TDRD3: variants seen among roughly 807,000 people sequenced by gnomAD.
The protein encoded by TDRD3 is tudor domain-containing protein 3.
Under a neutral mutation model 86.7 loss-of-function variants are expected in TDRD3, and 45 were observed. That is an observed-to-expected ratio of 0.52 (90% CI 0.41 to 0.67). TDRD3 has a LOEUF of 0.67. Ranked by LOEUF, TDRD3 falls within the 30% of genes least tolerant of loss-of-function variation. TDRD3 has a pLI of 0.00. For missense variants in TDRD3, 814 were observed against 889.0 expected, an observed-to-expected ratio of 0.92 and a Z score of 1.07; for synonymous variants, 298 against 301.7, an observed-to-expected ratio of 0.99 and a Z score of 0.13.
chr13:60,510,970 C>CT (rs764142608), intron 10 of TDRD3, among the ~76,000 whole-genome samples: 11 of 152,096 alleles, frequency 7.2e-5, no homozygotes, highest in Non-Finnish European at 1.5e-4. Context: ...GATTAGTAAT[C>CT]TCACCAAACC....
intron 12 of TDRD3, among the ~76,000 whole-genome samples, chr13:60,545,802 A>G (rs1957926352): frequency 6.6e-6 from 1 of 152,112 alleles, no homozygotes; most frequent in South Asian, 2.1e-4. Context: ...AGACATATCA[A>G]GGGGTTGAGA....
At chr13:60,557,482 T>C (rs939856115) in intron 12 of TDRD3, among the ~76,000 whole-genome samples, 1 of 152,172 alleles carries the variant, frequency 6.6e-6, no homozygotes, top group South Asian at 2.1e-4. Flanking sequence ...AAACCATAGT[T>C]TTCTTTATAT....
chr13:60,513,017 G>T (rs1401789634), intron 10 of TDRD3, among the ~76,000 whole-genome samples: 1 of 152,186 alleles, frequency 6.6e-6, no homozygotes, highest in Non-Finnish European at 1.5e-5. Flanking sequence ...TCTTTGAAGG[G>T]CCCGCCCCTG....
At position 60,460,360 on chromosome 13, in the gene TDRD3, A is replaced by T; in HGVS notation, c.193-20A>T. 6.4e-7 allele frequency: 1 copy of T among 1,565,940 alleles called. No individual in the cohort carries two copies. The highest frequency in any genetic ancestry group is 8.6e-7 in the Non-Finnish European group (1 of 1,162,240). ...GTTTCATGACTAGAAAGTGATTTTT[A>T]TTCTTTTCTGTTTTGACAGCTCGAA... On this transcript the variant is annotated intron_variant, in intron 3 of 13. Coordinates refer to ENST00000377881, the MANE Select transcript of TDRD3 (RefSeq NM_001146070.2).
intron 1 of TDRD3, among the ~76,000 whole-genome samples, chr13:60,429,605 A>T (rs1409828063): frequency 6.6e-6 from 1 of 152,198 alleles, no homozygotes. Context: ...TATTGTTAAA[A>T]AACTTTCAAT....
intron 7 of TDRD3, among the ~76,000 whole-genome samples, chr13:60,489,972 C>T (rs1382557281): frequency 6.7e-6 from 1 of 150,358 alleles, no homozygotes; most frequent in African/African-American, 2.4e-5. Context: ...CATAGTTAAC[C>T]TATTATAATG....
At chr13:60,474,222 C>A (rs540707722) in intron 5 of TDRD3, among the ~76,000 whole-genome samples, 1 of 152,290 alleles carries the variant, frequency 6.6e-6, no homozygotes, top group African/African-American at 2.4e-5. Flanking sequence ...AGGGAAGGGC[C>A]CCTCTGGTGG....
At chr13:60,530,415 AG>A (rs1196670873) in intron 11 of TDRD3, among the ~76,000 whole-genome samples, 2 of 151,936 alleles carry the variant, frequency 1.3e-5, no homozygotes, top group Non-Finnish European at 2.9e-5. Context: ...GGATGTGAGA[AG>A]CAACTCAAAA....
chr13:60,397,073 C>T (rs1310929465), upstream of TDRD3: 5 of 321,200 alleles, frequency 1.6e-5, no homozygotes, highest in East Asian at 1.9e-4. Context: ...AGGCAAAGTC[C>T]CTGAACCGTC....
intron 8 of TDRD3, among the ~76,000 whole-genome samples, chr13:60,496,846 T>C (rs929351771): frequency 5.3e-5 from 8 of 152,138 alleles, no homozygotes; most frequent in Admixed American, 3.9e-4. Flanking sequence ...GCTCCCAAGA[T>C]GGTGGTGGGC....
chr13:60,446,816 G>T (rs9538703), intron 3 of TDRD3, among the ~76,000 whole-genome samples: 3 of 152,094 alleles, frequency 2.0e-5, no homozygotes, highest in Non-Finnish European at 2.9e-5. Flanking sequence ...TATAGTAAAA[G>T]CTCCTTATTT....
At chr13:60,507,664 G>A (rs1956968069) in intron 8 of TDRD3, among the ~76,000 whole-genome samples, 1 of 152,118 alleles carries the variant, frequency 6.6e-6, no homozygotes, top group African/African-American at 2.4e-5. Context: ...AAAAATACCA[G>A]AATCTCTGGG....
In TDRD3 at chr13:60,419,619, T is replaced by A. The variant is rs7319237; in HGVS notation, c.42-20069T>A. On this transcript the variant is annotated intron_variant, in intron 1 of 13. Transcript: ENST00000377881. The stretch of plus-strand genomic sequence containing the variant: ...ACACAGAGAGGGGAACATCACACAC[T>A]GAGGCCTGTTGTGGGGGCGGGGGGC... Among the ~76,000 whole-genome samples the A allele has an allele frequency of 3.4e-3, 510 of 151,430 alleles. 4 individuals are homozygous for A. Among genetic ancestry groups the A allele is most frequent in the African/African-American group, 0.012 (486 of 41,254 alleles).
intron 1 of TDRD3, among the ~76,000 whole-genome samples, chr13:60,427,903 G>A (rs1954851328): frequency 6.6e-6 from 1 of 152,176 alleles, no homozygotes; most frequent in South Asian, 2.1e-4. Context: ...TGTGGCTGCG[G>A]TAGCAAATTA....
chr13:60,416,285 AT>A (rs35906738), intron 1 of TDRD3, among the ~76,000 whole-genome samples: 23 of 150,380 alleles, frequency 1.5e-4, no homozygotes, highest in African/African-American at 2.7e-4. Context: ...TTCTAATGAG[AT>A]TTTTTTTTTA....
intron 5 of TDRD3, among the ~76,000 whole-genome samples, chr13:60,470,599 T>G (rs1566218332): frequency 6.6e-6 from 1 of 150,494 alleles, no homozygotes; most frequent in African/African-American, 2.4e-5. Flanking sequence ...GGTTTTTTTT[T>G]TTTTTTTTTT....
intron 1 of TDRD3, among the ~76,000 whole-genome samples, chr13:60,405,945 G>A (rs142362278): frequency 2.6e-4 from 40 of 152,230 alleles, no homozygotes; most frequent in Non-Finnish European, 4.1e-4. Context: ...TTGACAGATT[G>A]GACATGAATG....
At chr13:60,494,372 G>A (rs965419662) in intron 7 of TDRD3, 63 bp from the exon 8 acceptor site, 11 of 1,439,596 alleles carry the variant, frequency 7.6e-6, no homozygotes, top group Non-Finnish European at 9.2e-6. Flanking sequence ...TCATAGCTTA[G>A]TTTTTAGAAC....
chr13:60,491,372 T>C (rs1313795291), intron 7 of TDRD3, among the ~76,000 whole-genome samples: 1 of 152,066 alleles, frequency 6.6e-6, no homozygotes, highest in African/African-American at 2.4e-5. Flanking sequence ...TGTAGACATA[T>C]GGATGGTATT....
Sources: gnomAD v4.1 joint callset for allele counts (sites outside exome capture counted in the v4.1 genomes callset) on GRCh38, gnomAD v4.1.1 for gene constraint, MANE v1.5 for transcripts, NCBI Gene and HGNC (gene_info 2026-07-23, HGNC 2026-07-21) for gene names.